The following ARID4B variants were observed in gnomAD, a reference collection of about 807,000 sequenced individuals.
ARID4B encodes AT-rich interaction domain 4B.
ARID4B carries 26 observed loss-of-function variants against 147.5 expected under a neutral mutation model. The ratio of observed to expected loss-of-function variants is 0.18; its 90% CI spans 0.13 to 0.24. The LOEUF (loss-of-function observed/expected upper bound fraction) is 0.24, where lower values mean the gene tolerates loss of function less well. ARID4B is among the 10% of genes least tolerant of loss of function. The pLI is 1.00. For synonymous variants in ARID4B, 512 were observed against 507.9 expected, an observed-to-expected ratio of 1.01 and a Z score of -0.11; for missense variants, 1,179 against 1,511.5, an observed-to-expected ratio of 0.78 and a Z score of 3.65.
chr1:235,242,077 G>A (rs553200392), intron 7 of ARID4B, among the ~76,000 whole-genome samples: 35 of 151,718 alleles, frequency 2.3e-4, no homozygotes, highest in African/African-American at 7.2e-4. Flanking sequence ...GTGAAACCTC[G>A]TCTCTACTAA....
chr1:235,303,175 G>A (rs553633516), intron 2 of ARID4B, among the ~76,000 whole-genome samples: 3 of 151,624 alleles, frequency 2.0e-5, no homozygotes, highest in Non-Finnish European at 4.4e-5. Flanking sequence ...CGCCTGCCTC[G>A]GCCTCCCAGA....
chr1:235,314,058 CCTA>C (rs1370567831), intron 2 of ARID4B, among the ~76,000 whole-genome samples: 1 of 152,126 alleles, frequency 6.6e-6, no homozygotes, highest in Non-Finnish European at 1.5e-5. Context: ...TGTAGTAAAT[CCTA>C]CTACATTTAG....
At chr1:235,292,500 C>T (rs750647910) in intron 2 of ARID4B, among the ~76,000 whole-genome samples, 1 of 151,896 alleles carries the variant, frequency 6.6e-6, no homozygotes, top group Non-Finnish European at 1.5e-5. Context: ...CCTGTAATCC[C>T]AGCTACTTGG....
chr1:235,202,345 T>G lies in ARID4B; in HGVS notation c.1842-6230A>C, dbSNP rs903743836. 1.3e-3 allele frequency among the ~76,000 whole-genome samples: 193 copies of G among 152,042 alleles called. 1 individual carries two copies. The highest frequency in any genetic ancestry group is 4.6e-3 in the African/African-American group (189 of 41,484). ...TGTAATTAATTCTACAGATGGAATC[T>G]AAACAAGTATCTTATTGAATATTTA... On this transcript the variant is annotated intron_variant, in intron 17 of 23. Transcript: ENST00000264183.
intron 2 of ARID4B, among the ~76,000 whole-genome samples, chr1:235,321,416 A>G (rs1405088939): frequency 6.6e-6 from 1 of 152,202 alleles, no homozygotes; most frequent in East Asian, 1.9e-4. Flanking sequence ...AGGTCCAATG[A>G]CAGCATGCTT....
intron 7 of ARID4B, among the ~76,000 whole-genome samples, chr1:235,242,722 G>A (rs1198785680): frequency 1.3e-5 from 2 of 152,134 alleles, no homozygotes; most frequent in Non-Finnish European, 2.9e-5. Context: ...TAAGACTTCA[G>A]ATTTCACAGT....
In ARID4B at chr1:235,325,701, C is replaced by A. The variant is rs184932218; in HGVS notation, c.6+1213G>T. Among the ~76,000 whole-genome samples the A allele has an allele frequency of 2.0e-3, 311 of 152,282 alleles. 2 individuals are homozygous for A. Among genetic ancestry groups the A allele is most frequent in the African/African-American group, 7.2e-3 (300 of 41,564 alleles). ...GGATTTGTGACTAACAAAAGGGATT[C>A]ATTCCTGAAACATGTCTATGCTTCA... On this transcript the variant is annotated intron_variant, in intron 2 of 23. Transcript: ENST00000264183.
chr1:235,203,753 A>G (rs900470009), intron 17 of ARID4B, among the ~76,000 whole-genome samples: 1 of 152,146 alleles, frequency 6.6e-6, no homozygotes, highest in Non-Finnish European at 1.5e-5. Context: ...ATGGAAAGGG[A>G]TTTCCCCACC....
At chr1:235,237,594 AG>A (rs1668687966) in intron 8 of ARID4B, among the ~76,000 whole-genome samples, 1 of 152,276 alleles carries the variant, frequency 6.6e-6, no homozygotes, top group African/African-American at 2.4e-5. Context: ...GGACATCACA[AG>A]TAGAAAACAG....
At chr1:235,262,826 A>G (rs1018319803) in intron 2 of ARID4B, among the ~76,000 whole-genome samples, 2 of 152,176 alleles carry the variant, frequency 1.3e-5, no homozygotes, top group African/African-American at 2.4e-5. Context: ...AATTTTTATC[A>G]TAAGGATGGG....
At chr1:235,308,053 T>C (rs1453638471) in intron 2 of ARID4B, among the ~76,000 whole-genome samples, 1 of 151,038 alleles carries the variant, frequency 6.6e-6, no homozygotes, top group Non-Finnish European at 1.5e-5. Context: ...CTGTCGTTCA[T>C]TTTTATGTTT....
intron 22 of ARID4B, among the ~76,000 whole-genome samples, chr1:235,173,754 AAAAAAAAAAAAAAAAAAATATATATAT>A (rs1663550158): frequency 4.9e-5 from 2 of 40,666 alleles, no homozygotes; most frequent in Non-Finnish European, 8.1e-5. Context: ...AAAAAAAAAA[AAAAAAAAAAAAAAAAAAATATATATAT>A]ATATATATAT....
At chr1:235,214,152 G>T in intron 16 of ARID4B, 126 bp from the exon 17 acceptor site, 1 of 1,150,988 alleles carries the variant, frequency 8.7e-7, no homozygotes, top group Non-Finnish European at 1.2e-6. Context: ...CCACGTGTAT[G>T]AAATTCTCAG....
intron 17 of ARID4B, among the ~76,000 whole-genome samples, chr1:235,203,510 C>T (rs1427409154): frequency 1.3e-5 from 2 of 152,222 alleles, no homozygotes; most frequent in African/African-American, 2.4e-5. Context: ...TGAAACCTCA[C>T]TCTTTGAAAT....
At chr1:235,215,509 T>TTA (rs1171183626) in intron 16 of ARID4B, among the ~76,000 whole-genome samples, 1 of 150,546 alleles carries the variant, frequency 6.6e-6, no homozygotes, top group African/African-American at 2.4e-5. Flanking sequence ...AGAGTAATGA[T>TTA]TATATATATA....
chr1:235,250,777 T>G (rs1669594177), intron 6 of ARID4B, among the ~76,000 whole-genome samples: 1 of 152,116 alleles, frequency 6.6e-6, no homozygotes, highest in Non-Finnish European at 1.5e-5. Context: ...AAACTGAACC[T>G]CCTTGAAGAT....
chr1:235,313,541 C>T (rs1674225038), intron 2 of ARID4B, among the ~76,000 whole-genome samples: 3 of 152,122 alleles, frequency 2.0e-5, no homozygotes, highest in African/African-American at 4.8e-5. Flanking sequence ...TGGCTGACTA[C>T]ACCACATCAG....
chr1:235,242,247 C>CAA lies in ARID4B; in HGVS notation c.447-1798_447-1797dup, dbSNP rs68058640. The stretch of plus-strand genomic sequence containing the variant: ...TGGGCGACAGAGTGAGACTCCGTCT[C>CAA]AAAAAAAAAAAAAAAGATGTATTGT... On this transcript the variant is annotated intron_variant, in intron 7 of 23. Transcript: ENST00000264183. Among the ~76,000 whole-genome samples, 8 of 127,266 alleles carry CAA rather than the reference C, an allele frequency of 6.3e-5. No individual in the cohort carries two copies. In the East Asian group the frequency reaches 7.6e-4, roughly 12 times the overall value. 83.5% of individuals were successfully genotyped at this position (127,266 alleles called of 152,430 possible).
At position 235,213,814 on chromosome 1, in the gene ARID4B, C is replaced by T; in HGVS notation, c.1796G>A (p.Gly599Asp). Residue 599 changes from glycine (G) to aspartate (D), a missense_variant, in exon 17 of 24, where the codon GGT becomes GAT. By Grantham distance (94) the Gly-to-Asp change is moderately conservative. This residue lies in a region of ARID4B where 28 missense variants were observed against 67.6 expected (regional missense o/e 0.41). Coordinates refer to ENST00000264183, the MANE Select transcript of ARID4B (RefSeq NM_016374.6). ...ATGCACCAAGTAAAGGACCTCTCCA[C>T]CTTCGACATCAGAATCTTTAATACT... ...EASIKDSDVE[G>D]GEVLYLVHYC... 1.2e-6 allele frequency: 2 copies of T among 1,614,056 alleles called. No homozygotes were observed. Among genetic ancestry groups the T allele is most frequent in the Non-Finnish European group, 1.7e-6 (2 of 1,179,966 alleles).
Sources: gnomAD v4.1 joint callset for allele counts (sites outside exome capture counted in the v4.1 genomes callset) on GRCh38, gnomAD v4.1.1 for gene constraint, gnomAD v4.1.1 regional missense constraint, MANE v1.5 for transcripts, NCBI Gene and HGNC (gene_info 2026-07-23, HGNC 2026-07-21) for gene names.